Variants in NFIA observed in about 807,000 individuals in gnomAD.
NFIA encodes the protein nuclear factor 1 A-type.
NFIA carries 8 observed loss-of-function variants against 62.8 expected under a neutral mutation model. That is an observed-to-expected ratio of 0.13 (90% CI 0.07 to 0.23). The LOEUF (loss-of-function observed/expected upper bound fraction) is 0.23, where lower values mean the gene tolerates loss of function less well. Ranked by LOEUF, NFIA falls within the 10% of genes least tolerant of loss-of-function variation. The pLI, the probability that NFIA is intolerant of heterozygous loss-of-function variation, is 1.00. For missense variants in NFIA, 410 were observed against 642.1 expected, an observed-to-expected ratio of 0.64 and a Z score of 3.91; for synonymous variants, 235 against 238.1, an observed-to-expected ratio of 0.99 and a Z score of 0.12.
intron 2 of NFIA, among the ~76,000 whole-genome samples, chr1:61,107,014 A>C (rs1338458014): frequency 6.6e-6 from 1 of 151,504 alleles, no homozygotes; most frequent in African/African-American, 2.4e-5. Context: ...TTCACTCTAC[A>C]ATATGTTCAT....
intron 2 of NFIA, among the ~76,000 whole-genome samples, chr1:61,091,605 A>C (rs549489934): frequency 3.9e-5 from 6 of 152,168 alleles, no homozygotes; most frequent in Non-Finnish European, 7.4e-5. Flanking sequence ...TCATATGACA[A>C]CTTGGGGATA....
chr1:61,265,386 A>G (rs1245016996), intron 2 of NFIA, among the ~76,000 whole-genome samples: 1 of 152,224 alleles, frequency 6.6e-6, no homozygotes, highest in Non-Finnish European at 1.5e-5. Flanking sequence ...ATTCACTTAC[A>G]TCATTTAAAT....
intron 3 of NFIA, among the ~76,000 whole-genome samples, chr1:61,293,316 G>A (rs939815233): frequency 3.2e-4 from 48 of 152,326 alleles, no homozygotes; most frequent in African/African-American, 1.0e-3. Context: ...TTGACAAAAT[G>A]ATAGATGGAA....
chr1:61,330,921 A>T (rs555876023), intron 3 of NFIA, among the ~76,000 whole-genome samples: 22 of 152,298 alleles, frequency 1.4e-4, no homozygotes, highest in Admixed American at 8.5e-4. Context: ...GATCTGTGGG[A>T]TAAATGTAAT....
intron 2 of NFIA, among the ~76,000 whole-genome samples, chr1:61,123,051 C>T (rs189615341): frequency 4.7e-4 from 71 of 152,310 alleles, no homozygotes; most frequent in African/African-American, 1.3e-3. Flanking sequence ...AGTATTCTTC[C>T]GTTGATGATA....
chr1:61,278,844 T>C (rs1657971721), intron 3 of NFIA, among the ~76,000 whole-genome samples: 1 of 152,164 alleles, frequency 6.6e-6, no homozygotes, highest in Non-Finnish European at 1.5e-5. Flanking sequence ...ATTCTGCCTC[T>C]CCTATTTCTT....
rs765790736 is a variant in NFIA, at chr1:61,406,551, C to CT, written c.1255-11_1255-10insT. The CT allele has an allele frequency of 5.9e-6, 7 of 1,184,884 alleles. No individual in the cohort carries two copies. Among genetic ancestry groups the CT allele is most frequent in the African/African-American group, 3.4e-5 (2 of 59,598 alleles). 73.4% of individuals were successfully genotyped at this position (1,184,884 alleles called of 1,614,324 possible). A position where few individuals can be genotyped will look rare whatever the true frequency, so the allele number is the denominator to read the frequency against. On this transcript the variant is annotated splice_polypyrimidine_tract_variant and intron_variant, in intron 8 of 10. Transcript: ENST00000403491. ...TTGTACGTGTGTTTTCTGCCCCCCC[C>CT]CCCCCCACAGCCCAATGGGAGCAGC...
chr1:61,132,448 TCAAGAAATGAG>T (rs1255774187), intron 2 of NFIA, among the ~76,000 whole-genome samples: 1 of 152,194 alleles, frequency 6.6e-6, no homozygotes, highest in East Asian at 1.9e-4. Flanking sequence ...CACTCATGGA[TCAAGAAATGAG>T]CATTTTCTTA....
intron 2 of NFIA, among the ~76,000 whole-genome samples, chr1:61,140,140 G>T (rs1647394854): frequency 6.6e-6 from 1 of 152,116 alleles, no homozygotes; most frequent in South Asian, 2.1e-4. Flanking sequence ...GGGCTGCAAG[G>T]CTGAGATAAG....
At chr1:61,426,129 G>A (rs1006644703) in intron 9 of NFIA, among the ~76,000 whole-genome samples, 4 of 152,128 alleles carry the variant, frequency 2.6e-5, no homozygotes, top group Non-Finnish European at 5.9e-5. Context: ...CTAAAGAATA[G>A]GATATCTCTT....
chr1:61,272,290 C>A (rs72664889), intron 2 of NFIA, among the ~76,000 whole-genome samples: 14,344 of 152,050 alleles, frequency 0.094, 734 homozygotes, highest in South Asian at 0.15. Context: ...AAGGTTTTTC[C>A]AATATTTTCT....
chr1:61,176,238 C>T (rs919926778), intron 2 of NFIA, among the ~76,000 whole-genome samples: 2 of 152,172 alleles, frequency 1.3e-5, no homozygotes, highest in African/African-American at 4.8e-5. Flanking sequence ...CCTAGCAGGG[C>T]CATACTTATC....
intron 3 of NFIA, among the ~76,000 whole-genome samples, chr1:61,291,780 G>A (rs548280959): frequency 6.6e-6 from 1 of 152,116 alleles, no homozygotes; most frequent in Non-Finnish European, 1.5e-5. Context: ...TTACCCCAGG[G>A]AAAGTATAGA....
chr1:61,213,364 A>T (rs926609070), intron 2 of NFIA, among the ~76,000 whole-genome samples: 6 of 152,174 alleles, frequency 3.9e-5, no homozygotes, highest in African/African-American at 1.4e-4. Flanking sequence ...TCAACAGGAG[A>T]TGCGGGTTGT....
At chr1:61,270,865 C>G (rs541864252) in intron 2 of NFIA, among the ~76,000 whole-genome samples, 1 of 152,138 alleles carries the variant, frequency 6.6e-6, no homozygotes, top group Non-Finnish European at 1.5e-5. Flanking sequence ...GTGAACACAG[C>G]GCCTCTTATG....
intron 3 of NFIA, among the ~76,000 whole-genome samples, chr1:61,309,741 T>C (rs1442845534): frequency 6.6e-6 from 1 of 152,050 alleles, no homozygotes; most frequent in Non-Finnish European, 1.5e-5. Context: ...ATACAAAAAT[T>C]AGCTGGGTGT....
intron 2 of NFIA, among the ~76,000 whole-genome samples, chr1:61,121,815 G>A (rs538961253): frequency 3.9e-4 from 60 of 152,256 alleles, no homozygotes; most frequent in African/African-American, 1.3e-3. Flanking sequence ...ATGAAGGACT[G>A]GGGTAGAACT....
intron 3 of NFIA, among the ~76,000 whole-genome samples, chr1:61,319,953 A>C (rs955861893): frequency 3.3e-5 from 5 of 152,124 alleles, no homozygotes; most frequent in Middle Eastern, 3.4e-3. Context: ...TGTGTTCTCT[A>C]TTCACACATG....
At chr1:61,369,188 T>C (rs1054699664) in intron 6 of NFIA, among the ~76,000 whole-genome samples, 1 of 152,192 alleles carries the variant, frequency 6.6e-6, no homozygotes, top group Non-Finnish European at 1.5e-5. Context: ...AGAGCTGACA[T>C]ACTAGGAAGT....
Sources: gnomAD v4.1 joint callset for allele counts (sites outside exome capture counted in the v4.1 genomes callset) on GRCh38, gnomAD v4.1.1 for gene constraint, MANE v1.5 for transcripts, NCBI Gene and HGNC (gene_info 2026-07-23, HGNC 2026-07-21) for gene names.